PPIP5K2: variants seen among roughly 807,000 people sequenced by gnomAD.
The protein encoded by PPIP5K2 is inositol hexakisphosphate and diphosphoinositol-pentakisphosphate kinase 2.
In PPIP5K2, 105 loss-of-function variants were observed where a neutral mutation model predicts 154.6. The ratio of observed to expected loss-of-function variants is 0.68; its 90% CI spans 0.58 to 0.80. The LOEUF (loss-of-function observed/expected upper bound fraction) is 0.80. Ranked by LOEUF, PPIP5K2 falls within the 30% of genes least tolerant of loss-of-function variation. PPIP5K2 has a pLI of 0.00. For synonymous variants in PPIP5K2, 480 were observed against 490.3 expected (o/e 0.98, Z 0.28); for missense variants, 992 against 1,504.6 (o/e 0.66, Z 5.64).
intron 1 of PPIP5K2, among the ~76,000 whole-genome samples, chr5:103,124,459 C>T (rs1362235426): frequency 1.3e-5 from 2 of 152,040 alleles, no homozygotes; most frequent in Non-Finnish European, 2.9e-5. Context: ...TTAAACAGAC[C>T]TGGGTTTGAC....
intron 1 of PPIP5K2, among the ~76,000 whole-genome samples, chr5:103,126,705 G>T (rs1789734973): frequency 6.6e-6 from 1 of 151,482 alleles, no homozygotes; most frequent in Non-Finnish European, 1.5e-5. Context: ...GGAGAAAGAT[G>T]CAGGCTGGGA....
chr5:103,194,480 T>C (rs1461479027), intron 29 of PPIP5K2, among the ~76,000 whole-genome samples: 2 of 152,164 alleles, frequency 1.3e-5, no homozygotes. Flanking sequence ...ATCCTCCTAG[T>C]CCCTGGGCAG....
At chr5:103,123,808 G>A (rs1215228704) in intron 1 of PPIP5K2, among the ~76,000 whole-genome samples, 1 of 152,154 alleles carries the variant, frequency 6.6e-6, no homozygotes, top group East Asian at 1.9e-4. Context: ...TTTGAATAAT[G>A]TATGTATCTT....
chr5:103,170,560 G>A (rs1797823772), intron 19 of PPIP5K2, among the ~76,000 whole-genome samples: 1 of 151,280 alleles, frequency 6.6e-6, no homozygotes, highest in Non-Finnish European at 1.5e-5. Flanking sequence ...TGCTTCCCTG[G>A]TGTCCTGAGA....
chr5:103,187,693 A>C (rs1800615743), intron 28 of PPIP5K2, among the ~76,000 whole-genome samples: 1 of 152,186 alleles, frequency 6.6e-6, no homozygotes, highest in Non-Finnish European at 1.5e-5. Flanking sequence ...TTTAAATTAT[A>C]ATTAGTATTC....
intron 21 of PPIP5K2, among the ~76,000 whole-genome samples, chr5:103,175,738 A>G (rs79707015): frequency 1.7e-3 from 265 of 152,186 alleles, no homozygotes; most frequent in African/African-American, 6.1e-3. Flanking sequence ...GGAAATTATT[A>G]CAGTGGTCCA....
intron 17 of PPIP5K2, among the ~76,000 whole-genome samples, chr5:103,165,048 T>C (rs1796926270): frequency 6.6e-6 from 1 of 152,054 alleles, no homozygotes; most frequent in South Asian, 2.1e-4. Context: ...GAAAAGATAA[T>C]AATAGATGCC....
At chr5:103,158,385 A>G (rs1168394902) in intron 15 of PPIP5K2, 67 bp from the exon 16 acceptor site, 182 of 1,591,128 alleles carry the variant, frequency 1.1e-4, no homozygotes, top group Non-Finnish European at 1.5e-4. Context: ...TTGTGATGTT[A>G]TTAAACATTT....
At position 103,211,061 on chromosome 5, in the gene PPIP5K2, T is replaced by C. The variant is rs1803782424; in HGVS notation, c.*9427T>C. 6.6e-6 allele frequency: 1 copy of C among 152,142 alleles called. No individual in the cohort carries two copies. The highest frequency in any genetic ancestry group is 2.4e-5 in the African/African-American group (1 of 41,442). 9.4% of individuals were successfully genotyped at this position (152,142 alleles called of 1,614,324 possible). On this transcript the variant is annotated 3_prime_UTR_variant, in exon 31 of 31. Coordinates refer to ENST00000358359, the MANE Select transcript of PPIP5K2 (RefSeq NM_001276277.3). ...GGATGTGTTTCGTGTTCCCACTGCA[T>C]ATGCATTATTACCCTTGTCTGAGTG...
chr5:103,161,980 G>A (rs1389595200), intron 17 of PPIP5K2, among the ~76,000 whole-genome samples: 1 of 152,024 alleles, frequency 6.6e-6, no homozygotes, highest in African/African-American at 2.4e-5. Context: ...TGTCAATTTT[G>A]GCTTTTGTTG....
chr5:103,184,612 G>T, intron 25 of PPIP5K2, 60 bp from the exon 26 acceptor site: 1 of 1,322,804 alleles, frequency 7.6e-7, no homozygotes, highest in Non-Finnish European at 1.1e-6. Flanking sequence ...TGCATATGAA[G>T]TATAGACTTA....
At chr5:103,195,963 T>C (rs1332807295) in intron 30 of PPIP5K2, among the ~76,000 whole-genome samples, 2 of 152,192 alleles carry the variant, frequency 1.3e-5, no homozygotes, top group Non-Finnish European at 2.9e-5. Context: ...CTCTGATCCT[T>C]AGTCTTATAG....
chr5:103,133,225 T>A (rs1790929120), intron 2 of PPIP5K2, among the ~76,000 whole-genome samples: 1 of 152,210 alleles, frequency 6.6e-6, no homozygotes, highest in South Asian at 2.1e-4. Context: ...CCATATTTAT[T>A]CTGAAAGTGT....
chr5:103,124,022 T>C (rs532971085), intron 1 of PPIP5K2, among the ~76,000 whole-genome samples: 1 of 152,296 alleles, frequency 6.6e-6, no homozygotes, highest in South Asian at 2.1e-4. Context: ...GGCTCACACC[T>C]GTAATCCCAG....
At chr5:103,140,390 T>TC (rs1241275335) in intron 5 of PPIP5K2, among the ~76,000 whole-genome samples, 2 of 152,080 alleles carry the variant, frequency 1.3e-5, no homozygotes, top group African/African-American at 4.8e-5. Context: ...TAAACAAAGA[T>TC]CCTTAAAGCA....
chr5:103,197,569 AT>A (rs782156090), intron 30 of PPIP5K2, among the ~76,000 whole-genome samples: 8,642 of 86,870 alleles, frequency 0.099, 179 homozygotes, highest in African/African-American at 0.27. Flanking sequence ...TAAAACACAA[AT>A]TTTTTTTTTT....
chr5:103,159,119 C>T (rs1018511363), intron 16 of PPIP5K2, 27 bp from the exon 17 acceptor site: 74 of 1,418,340 alleles, frequency 5.2e-5, no homozygotes, highest in Middle Eastern at 1.8e-4. Flanking sequence ...TTTTTAAATT[C>T]GTGTTTTCTT....
intron 5 of PPIP5K2, among the ~76,000 whole-genome samples, chr5:103,139,284 G>C (rs1346627596): frequency 2.0e-5 from 3 of 152,070 alleles, no homozygotes; most frequent in African/African-American, 4.8e-5. Flanking sequence ...TTAAAAACTA[G>C]GGGGGAGGCA....
chr5:103,186,126 T>A (rs1800333048), intron 26 of PPIP5K2, among the ~76,000 whole-genome samples, 194 bp from the exon 27 acceptor site: 1 of 152,134 alleles, frequency 6.6e-6, no homozygotes, highest in Non-Finnish European at 1.5e-5. Context: ...CTATGATAAA[T>A]GATAGTGGTG....
Sources: allele counts gnomAD v4.1 joint callset (sites outside exome capture counted in the v4.1 genomes callset), GRCh38; gene constraint gnomAD v4.1.1; transcripts MANE v1.5; gene names NCBI Gene and HGNC (gene_info 2026-07-23, HGNC 2026-07-21).